SAMMSON: variants seen among roughly 807,000 people sequenced by gnomAD.
The protein encoded by SAMMSON is long intergenic non-protein coding RNA 1212.
At chr3:70,135,658 G>A (rs1218292035) in intron 4 of SAMMSON, among the ~76,000 whole-genome samples, 4 of 152,040 alleles carry the variant, frequency 2.6e-5, no homozygotes, top group South Asian at 2.1e-4. Flanking sequence ...AGACACCCAC[G>A]GTTAATATCA....
intron 7 of SAMMSON, among the ~76,000 whole-genome samples, chr3:70,337,626 C>G (rs1312767926): frequency 6.6e-6 from 1 of 151,894 alleles, no homozygotes; most frequent in African/African-American, 2.4e-5. Flanking sequence ...TATGCTAAAA[C>G]TGATAGTTGA....
chr3:70,026,059 A>T (rs1013549461), intron 3 of SAMMSON, among the ~76,000 whole-genome samples: 1 of 152,192 alleles, frequency 6.6e-6, no homozygotes, highest in African/African-American at 2.4e-5. Flanking sequence ...AAATTTTAGT[A>T]ATTTATAAAA....
downstream of SAMMSON, among the ~76,000 whole-genome samples, chr3:70,393,341 GAC>G (rs1391625047): frequency 6.6e-6 from 1 of 152,202 alleles, no homozygotes; most frequent in Non-Finnish European, 1.5e-5. Flanking sequence ...ATTAATATGA[GAC>G]AGTATATATA....
chr3:70,414,609 A>G (rs1401092314), intron 2 of SAMMSON, among the ~76,000 whole-genome samples: 4 of 152,140 alleles, frequency 2.6e-5, no homozygotes, highest in African/African-American at 7.2e-5. Flanking sequence ...AGTCCAAAAT[A>G]CAACTAGAAA....
chr3:70,075,817 T>C (rs2067246524), intron 4 of SAMMSON, among the ~76,000 whole-genome samples: 2 of 151,948 alleles, frequency 1.3e-5, no homozygotes, highest in Admixed American at 1.3e-4. Flanking sequence ...ATCTTTTCTT[T>C]CATATAAGCC....
intron 4 of SAMMSON, among the ~76,000 whole-genome samples, chr3:70,098,404 C>G (rs138641915): frequency 6.6e-6 from 1 of 151,916 alleles, no homozygotes; most frequent in African/African-American, 2.4e-5. Context: ...ATCTCGCTCT[C>G]TCTCCCAGGC....
chr3:70,058,013 T>C (rs2067174261), intron 3 of SAMMSON, among the ~76,000 whole-genome samples: 2 of 152,050 alleles, frequency 1.3e-5, no homozygotes, highest in South Asian at 4.1e-4. Flanking sequence ...AATATACCTA[T>C]TAACAAAAAA....
chr3:70,129,418 G>C (rs1328681147), intron 4 of SAMMSON, among the ~76,000 whole-genome samples: 1 of 152,144 alleles, frequency 6.6e-6, no homozygotes, highest in East Asian at 1.9e-4. Flanking sequence ...CAGATAAACA[G>C]CAATTGGTGG....
chr3:70,009,867 T>G (rs1261084638), intron 1 of SAMMSON, among the ~76,000 whole-genome samples: 1 of 150,140 alleles, frequency 6.7e-6, no homozygotes, highest in Non-Finnish European at 1.5e-5. Context: ...TCAAAGAACA[T>G]CTTTATTTCT....
intron 4 of SAMMSON, among the ~76,000 whole-genome samples, chr3:70,203,490 A>G (rs1007136970): frequency 4.6e-5 from 7 of 152,140 alleles, no homozygotes; most frequent in Non-Finnish European, 7.4e-5. Flanking sequence ...GACAAGCACA[A>G]CTAACACTCA....
rs1233589167 is a variant in SAMMSON at position 70,214,483 on chromosome 3, A to G, written n.508-34624A>G. On this transcript the variant is annotated intron_variant and non_coding_transcript_variant, in intron 4 of 9. Transcript: ENST00000642114. ...TATTCCTCCAGAAATAATAGAAGTG[A>G]GTGTTCAAGGTGAAAAGGATTAAAG... 2.0e-5 allele frequency among the ~76,000 whole-genome samples: 3 copies of G among 152,054 alleles called. No individual in the cohort carries two copies. The East Asian group carries it at 5.8e-4, about 29-fold the overall frequency.
At chr3:70,165,765 T>C (rs2067634277) in intron 4 of SAMMSON, among the ~76,000 whole-genome samples, 1 of 151,998 alleles carries the variant, frequency 6.6e-6, no homozygotes, top group African/African-American at 2.4e-5. Context: ...AAGTTCTTGC[T>C]CATCAAATTT....
intron 3 of SAMMSON, among the ~76,000 whole-genome samples, chr3:70,055,559 T>C (rs984558780): frequency 1.3e-5 from 2 of 152,136 alleles, no homozygotes; most frequent in African/African-American, 4.8e-5. Context: ...CCCTGAGCTT[T>C]CATCCTTCCG....
chr3:70,147,523 GT>G (rs1453731035), intron 4 of SAMMSON, among the ~76,000 whole-genome samples: 2 of 152,006 alleles, frequency 1.3e-5, no homozygotes, highest in African/African-American at 2.4e-5. Context: ...TACCAACTGA[GT>G]TTTTTAAAAA....
At chr3:70,066,832 A>G (rs933833426) in intron 3 of SAMMSON, among the ~76,000 whole-genome samples, 3 of 152,086 alleles carry the variant, frequency 2.0e-5, no homozygotes, top group Non-Finnish European at 4.4e-5. Context: ...GCACGAAGAA[A>G]ACCTTGCAGT....
chr3:70,170,521 G>A (rs1176496029), intron 4 of SAMMSON, among the ~76,000 whole-genome samples: 2 of 149,904 alleles, frequency 1.3e-5, no homozygotes, highest in Non-Finnish European at 3.0e-5. Context: ...TATTAAATTG[G>A]CAACCAGACT....
At chr3:70,188,005 C>T (rs1408594458) in intron 4 of SAMMSON, among the ~76,000 whole-genome samples, 2 of 152,136 alleles carry the variant, frequency 1.3e-5, no homozygotes, top group East Asian at 1.9e-4. Context: ...AGGGCAGCCA[C>T]CCCACCTTTC....
intron 2 of SAMMSON, among the ~76,000 whole-genome samples, chr3:70,433,705 T>G (rs1248539087): frequency 6.6e-6 from 1 of 152,134 alleles, no homozygotes; most frequent in African/African-American, 2.4e-5. Flanking sequence ...CTTTTCATAT[T>G]GTATCTAAAA....
At chr3:70,168,134 C>G (rs955440210) in intron 4 of SAMMSON, among the ~76,000 whole-genome samples, 1 of 151,980 alleles carries the variant, frequency 6.6e-6, no homozygotes, top group South Asian at 2.1e-4. Context: ...CCTATTCCAT[C>G]TTTGAGTATC....
Sources: gnomAD v4.1 joint callset for allele counts (sites outside exome capture counted in the v4.1 genomes callset) on GRCh38, gnomAD v4.1.1 for gene constraint, MANE v1.5 for transcripts, NCBI Gene and HGNC (gene_info 2026-07-23, HGNC 2026-07-21) for gene names.